The following DYNC2I1 variants were observed in gnomAD, a reference collection of about 807,000 sequenced individuals.
The protein encoded by DYNC2I1 is dynein 2 intermediate chain 1.
Under a neutral mutation model 133.4 loss-of-function variants are expected in DYNC2I1, and 89 were observed. The ratio of observed to expected loss-of-function variants is 0.67; its 90% CI spans 0.56 to 0.80. DYNC2I1 has a LOEUF of 0.80. DYNC2I1 is among the 30% of genes least tolerant of loss of function. The probability of loss-of-function intolerance (pLI) is 0.00; values close to 1 mark genes in which losing one functional copy is unlikely to be tolerated. For missense variants in DYNC2I1, 1,291 were observed against 1,314.5 expected (o/e 0.98, Z 0.28); for synonymous variants, 504 against 484.3 (o/e 1.04, Z -0.54).
At chr7:158,948,340 G>A (rs146876255), downstream of DYNC2I1, among the ~76,000 whole-genome samples, 145 of 152,332 alleles carry the variant, frequency 9.5e-4, no homozygotes, top group African/African-American at 3.4e-3. Context: ...TTTCTTCCAA[G>A]GCAGACAGCG....
At chr7:158,886,401 T>C (rs896323290) in intron 6 of DYNC2I1, among the ~76,000 whole-genome samples, 1 of 152,148 alleles carries the variant, frequency 6.6e-6, no homozygotes, top group African/African-American at 2.4e-5. Context: ...CCCAAAGTGC[T>C]GGGATTACAG....
intron 8 of DYNC2I1, among the ~76,000 whole-genome samples, chr7:158,893,668 A>G (rs1027195510): frequency 5.3e-5 from 8 of 152,084 alleles, no homozygotes; most frequent in African/African-American, 1.7e-4. Context: ...CACACCGCAT[A>G]TCATACCATA....
chr7:158,946,880 G>A (rs963230239), downstream of DYNC2I1, among the ~76,000 whole-genome samples: 2 of 152,188 alleles, frequency 1.3e-5, no homozygotes, highest in Admixed American at 6.5e-5. Flanking sequence ...GATCACCTCC[G>A]CTTACTTGTC....
chr7:158,952,851 C>A (rs1852097281), intron 4 of DYNC2I1, among the ~76,000 whole-genome samples: 1 of 152,104 alleles, frequency 6.6e-6, no homozygotes, highest in African/African-American at 2.4e-5. Flanking sequence ...TCCTCAGCAC[C>A]CTTCAGGACC....
intron 5 of DYNC2I1, among the ~76,000 whole-genome samples, 186 bp from the exon 6 acceptor site, chr7:158,884,378 T>G (rs995112439): frequency 6.6e-6 from 1 of 152,232 alleles, no homozygotes; most frequent in Non-Finnish European, 1.5e-5. Context: ...TTATCCATTT[T>G]CTTTACATTT....
intron 8 of DYNC2I1, among the ~76,000 whole-genome samples, chr7:158,896,864 T>C (rs1845803765): frequency 8.2e-6 from 1 of 122,682 alleles, no homozygotes; most frequent in African/African-American, 3.6e-5. Context: ...TATTGGTCTG[T>C]AGTTTTTTTT....
At chr7:158,926,662 A>G (rs557040732) in intron 19 of DYNC2I1, among the ~76,000 whole-genome samples, 199 bp downstream of exon 19, 3 of 152,360 alleles carry the variant, frequency 2.0e-5, no homozygotes, top group South Asian at 4.1e-4. Flanking sequence ...TGACAGTGAA[A>G]TAGGGACTCT....
chr7:158,945,554 C>T lies in DYNC2I1; in HGVS notation c.3003-27C>T, dbSNP rs1329300777. On this transcript the variant is annotated intron_variant, in intron 24 of 24. Coordinates refer to ENST00000407559, the MANE Select transcript of DYNC2I1 (RefSeq NM_018051.5). The surrounding 1 kb of genome is among the most constrained non-coding windows in gnomAD (Gnocchi z 4.1). ...CGAATGTCCCTTTGTGTGCACTGAC[C>T]CTCTGCTTCTGCCCCTCTCCCTGCA... is the stretch of plus-strand genomic sequence containing the variant. 1 of 1,581,194 alleles carries T rather than the reference C, an allele frequency of 6.3e-7. No homozygotes were observed. The highest frequency in any genetic ancestry group is 1.3e-5 in the African/African-American group (1 of 74,132).
the DYNC2I1 span, among the ~76,000 whole-genome samples, chr7:158,841,215 A>AT: frequency 5.0e-5 from 3 of 59,786 alleles, no homozygotes; most frequent in African/African-American, 1.4e-4. Flanking sequence ...ATATATATAT[A>AT]TATATATTTT....
chr7:158,886,278 C>T (rs985569766), intron 6 of DYNC2I1, among the ~76,000 whole-genome samples: 4 of 151,804 alleles, frequency 2.6e-5, no homozygotes, highest in Non-Finnish European at 5.9e-5. Context: ...ATTACAGGCA[C>T]ACGCCACCAC....
At chr7:158,905,890 A>G in intron 10 of DYNC2I1, 99 bp from the exon 11 acceptor site, 3 of 837,800 alleles carry the variant, frequency 3.6e-6, no homozygotes, top group East Asian at 5.4e-5. Context: ...TATTGACTAT[A>G]ATTGTTATAT....
chr7:158,850,800 TAATAA>T, the DYNC2I1 span, among the ~76,000 whole-genome samples: 2 of 152,130 alleles, frequency 1.3e-5, no homozygotes, highest in African/African-American at 4.8e-5. Flanking sequence ...AAGAGTTCCA[TAATAA>T]AATAAAAATA....
chr7:158,860,339 G>A (rs767304521), intron 1 of DYNC2I1, among the ~76,000 whole-genome samples: 17 of 152,298 alleles, frequency 1.1e-4, no homozygotes, highest in East Asian at 9.6e-4. Flanking sequence ...GATTACAGGC[G>A]TGAGCCATCT....
intron 4 of DYNC2I1, among the ~76,000 whole-genome samples, chr7:158,952,723 G>A (rs897538376): frequency 6.6e-6 from 1 of 151,602 alleles, no homozygotes; most frequent in Admixed American, 6.6e-5. Context: ...TCGTAAGACA[G>A]AGTCCGCACC....
intron 12 of DYNC2I1, among the ~76,000 whole-genome samples, chr7:158,912,381 CAAT>C (rs1847568641): frequency 6.6e-6 from 1 of 152,178 alleles, no homozygotes; most frequent in Non-Finnish European, 1.5e-5. Flanking sequence ...TTGGTACACT[CAAT>C]AAAATCCTTT....
chr7:158,858,390 A>G (rs1165195562), intron 1 of DYNC2I1, among the ~76,000 whole-genome samples: 2 of 152,126 alleles, frequency 1.3e-5, no homozygotes, highest in Non-Finnish European at 2.9e-5. Flanking sequence ...AGCTCACTCT[A>G]CTCAGGGAAC....
At chr7:158,901,327 C>T (rs1183356863) in intron 8 of DYNC2I1, among the ~76,000 whole-genome samples, 2 of 152,172 alleles carry the variant, frequency 1.3e-5, no homozygotes, top group Non-Finnish European at 2.9e-5. Flanking sequence ...CTGCCTTGAC[C>T]TCCCAAAGTG....
chr7:158,877,889 G>A (rs377043515), intron 4 of DYNC2I1, among the ~76,000 whole-genome samples: 5 of 152,236 alleles, frequency 3.3e-5, no homozygotes, highest in African/African-American at 9.6e-5. Flanking sequence ...CATACTCACC[G>A]GAGAAGGCAT....
At chr7:158,867,137 C>T (rs1327170156) in intron 1 of DYNC2I1, among the ~76,000 whole-genome samples, 1 of 151,122 alleles carries the variant, frequency 6.6e-6, no homozygotes, top group Non-Finnish European at 1.5e-5. Flanking sequence ...AGGAAATCAT[C>T]CTTGATTGAG....
Sources: allele counts gnomAD v4.1 joint callset (sites outside exome capture counted in the v4.1 genomes callset), GRCh38; gene constraint gnomAD v4.1.1; non-coding constraint Gnocchi (gnomAD v3.1); transcripts MANE v1.5; gene names NCBI Gene and HGNC (gene_info 2026-07-23, HGNC 2026-07-21).